RICTOR: variants seen among roughly 807,000 people sequenced by gnomAD.
RICTOR encodes the protein RPTOR independent companion of MTOR complex 2.
RICTOR carries 49 observed loss-of-function variants against 214.9 expected under a neutral mutation model. The ratio of observed to expected loss-of-function variants is 0.23; its 90% CI spans 0.18 to 0.29. RICTOR has a LOEUF of 0.29. Among genes scored for constraint, RICTOR ranks in the 10% least tolerant of loss-of-function variants. The pLI is 1.00. For missense variants in RICTOR, 1,625 were observed against 2,047.0 expected (o/e 0.79, Z 3.98); for synonymous variants, 717 against 711.3 (o/e 1.01, Z -0.13).
intron 27 of RICTOR, among the ~76,000 whole-genome samples, chr5:38,954,421 A>G (rs1017411603): frequency 6.6e-6 from 1 of 151,804 alleles, no homozygotes; most frequent in African/African-American, 2.4e-5. Context: ...TAATTTCCCA[A>G]TGAGTGGAAG....
intron 2 of RICTOR, among the ~76,000 whole-genome samples, chr5:39,030,657 A>C (rs200658455): frequency 6.6e-6 from 1 of 152,302 alleles, no homozygotes; most frequent in South Asian, 2.1e-4. Context: ...TTATGAGGAC[A>C]AGGACATCTT....
chr5:39,007,605 A>T (rs1754179974), intron 3 of RICTOR, among the ~76,000 whole-genome samples: 1 of 152,078 alleles, frequency 6.6e-6, no homozygotes, highest in Non-Finnish European at 1.5e-5. Context: ...ACTTCTCAGG[A>T]CCCCAAAGAA....
intron 2 of RICTOR, among the ~76,000 whole-genome samples, chr5:39,046,046 A>C (rs1222851731): frequency 6.6e-6 from 1 of 150,620 alleles, no homozygotes; most frequent in Non-Finnish European, 1.5e-5. Flanking sequence ...TAAATAAATA[A>C]ATAAATAAAT....
intron 33 of RICTOR, 111 bp downstream of exon 33, chr5:38,946,357 G>C: frequency 1.5e-6 from 1 of 682,938 alleles, no homozygotes; most frequent in Non-Finnish European, 2.6e-6. Context: ...TTTTAAAGTT[G>C]ATCCAAAAGT....
chr5:38,975,736 A>AGCCACC, intron 9 of RICTOR, 132 bp from the exon 10 acceptor site: 1 of 647,986 alleles, frequency 1.5e-6, no homozygotes, highest in Non-Finnish European at 2.7e-6. Context: ...AAAACAAGAC[A>AGCCACC]AAGATCAGAT....
intron 2 of RICTOR, among the ~76,000 whole-genome samples, chr5:39,050,327 T>C (rs2150185355): frequency 6.6e-6 from 1 of 152,000 alleles, no homozygotes; most frequent in South Asian, 2.1e-4. Context: ...TACTGCTTTG[T>C]TTTTCTTTGT....
intron 2 of RICTOR, among the ~76,000 whole-genome samples, chr5:39,061,398 A>C (rs551495622): frequency 3.0e-4 from 46 of 152,250 alleles, no homozygotes; most frequent in South Asian, 1.4e-3. Context: ...CATGAGTGGA[A>C]GGTCTGAGTG....
At chr5:39,061,461 G>A (rs1225197725) in intron 2 of RICTOR, among the ~76,000 whole-genome samples, 1 of 152,026 alleles carries the variant, frequency 6.6e-6, no homozygotes, top group African/African-American at 2.4e-5. Context: ...CTTTAAGTGG[G>A]AGGTCTACTA....
In RICTOR at chr5:38,962,298, A is replaced by G. The variant is rs759887106; in HGVS notation, c.1715+17T>C. The G allele has an allele frequency of 8.5e-6, 11 of 1,292,672 alleles. No individual in the cohort carries two copies. Among genetic ancestry groups the G allele is most frequent in the Non-Finnish European group, 1.2e-5 (11 of 920,130 alleles). The allele number at this position is 1,292,672 out of a possible 1,614,324, so 80.1% of individuals were successfully genotyped here. On this transcript the variant is annotated intron_variant, in intron 19 of 37. Coordinates refer to ENST00000357387, the MANE Select transcript of RICTOR (RefSeq NM_152756.5). Reference sequence around the variant, plus strand: ...TTTAAGTTCTTTAAATTTAAATGCAAAATAGTTCTTACATACCTGTGTAAC... The same window carrying G: ...TTTAAGTTCTTTAAATTTAAATGCAGAATAGTTCTTACATACCTGTGTAAC...
chr5:38,948,998 C>T (rs1351333402), intron 31 of RICTOR, among the ~76,000 whole-genome samples: 1 of 151,804 alleles, frequency 6.6e-6, no homozygotes, highest in African/African-American at 2.4e-5. Context: ...ATATAAGTAC[C>T]TGACATATAT....
chr5:39,074,388 T>A lies in RICTOR; in HGVS notation c.-11A>T, dbSNP rs1316324456. 6.5e-7 allele frequency: 1 copy of A among 1,536,402 alleles called. No homozygotes were observed. Among genetic ancestry groups the A allele is most frequent in the Admixed American group, 2.0e-5 (1 of 49,372 alleles). On this transcript the variant is annotated 5_prime_UTR_variant, in exon 1 of 38. Transcript: ENST00000357387. ...GCCGATCGCCGCCATATTGACGGGT[T>A]TCAGTCACAACACCGGAAACCTCGC...
intron 2 of RICTOR, among the ~76,000 whole-genome samples, chr5:39,072,906 A>C (rs1304314544): frequency 1.3e-5 from 2 of 152,248 alleles, no homozygotes; most frequent in African/African-American, 4.8e-5. Flanking sequence ...ATTAAGTTAT[A>C]AAAATGTACT....
chr5:38,984,648 T>G (rs990026582), intron 7 of RICTOR, among the ~76,000 whole-genome samples: 2 of 152,126 alleles, frequency 1.3e-5, no homozygotes, highest in African/African-American at 4.8e-5. Context: ...ATGGTAGGTT[T>G]TGGTTCTCTT....
At chr5:39,010,334 T>C (rs928767326) in intron 3 of RICTOR, among the ~76,000 whole-genome samples, 8 of 152,188 alleles carry the variant, frequency 5.3e-5, no homozygotes, top group African/African-American at 1.9e-4. Flanking sequence ...TGTAAGTCAA[T>C]TAAACCTCTT....
chr5:38,962,815 C>A (rs1442886260), intron 17 of RICTOR, 61 bp downstream of exon 17: 6 of 1,390,430 alleles, frequency 4.3e-6, no homozygotes, highest in Non-Finnish European at 6.1e-6. Flanking sequence ...ATACTAAAAT[C>A]CAGTGGTTAA....
chr5:38,982,189 G>T (rs891402300), intron 7 of RICTOR, among the ~76,000 whole-genome samples, 153 bp from the exon 8 acceptor site: 4 of 152,150 alleles, frequency 2.6e-5, no homozygotes, highest in Admixed American at 6.5e-5. Context: ...AGTGGAAAAT[G>T]TAAGAGTCAC....
chr5:38,972,946 T>C (rs760948658), intron 10 of RICTOR, among the ~76,000 whole-genome samples: 1 of 150,792 alleles, frequency 6.6e-6, no homozygotes, highest in Non-Finnish European at 1.5e-5. Context: ...AACATATTAC[T>C]GATATATACA....
intron 7 of RICTOR, among the ~76,000 whole-genome samples, chr5:38,985,789 A>C (rs1405730344): frequency 6.6e-6 from 1 of 151,522 alleles, no homozygotes; most frequent in Non-Finnish European, 1.5e-5. Flanking sequence ...TCCGCCTACC[A>C]GGTCCAAGCG....
At position 38,989,555 on chromosome 5, in the gene RICTOR, C is replaced by T. The variant is rs544214071; in HGVS notation, c.583+1394G>A. 7.2e-5 allele frequency among the ~76,000 whole-genome samples: 11 copies of T among 152,050 alleles called. No homozygotes were observed. In the South Asian group the frequency reaches 1.0e-3, roughly 14 times the overall value. ...GCACAGTAAAAGAAACTATCATCAG[C>T]GTCAACAGGCAACCTACAGAATGGG... On this transcript the variant is annotated intron_variant, in intron 7 of 37. Transcript: ENST00000357387.
Sources: gnomAD v4.1 joint callset for allele counts (sites outside exome capture counted in the v4.1 genomes callset) on GRCh38, gnomAD v4.1.1 for gene constraint, MANE v1.5 for transcripts, NCBI Gene and HGNC (gene_info 2026-07-23, HGNC 2026-07-21) for gene names.